The following AGBL1 variants were observed in gnomAD, a reference collection of about 807,000 sequenced individuals.
The protein encoded by AGBL1 is AGBL carboxypeptidase 1, also known as cytosolic carboxypeptidase 4.
In AGBL1, 130 loss-of-function variants were observed where a neutral mutation model predicts 118.9. The observed-to-expected ratio is 1.09, with a 90% CI of 0.95 to 1.26. AGBL1 has a LOEUF of 1.26. Among genes scored for constraint, AGBL1 ranks in the 50% most tolerant of loss-of-function variants. AGBL1 has a pLI of 0.00. For synonymous variants in AGBL1, 555 were observed against 478.9 expected, an observed-to-expected ratio of 1.16 and a Z score of -2.08; for missense variants, 1,584 against 1,298.1, an observed-to-expected ratio of 1.22 and a Z score of -3.38.
chr15:86,703,947 G>C (rs117123321), intron 22 of AGBL1, among the ~76,000 whole-genome samples: 1,846 of 152,082 alleles, frequency 0.012, 22 homozygotes, highest in East Asian at 0.069. Context: ...CAGATATATA[G>C]ACCAATGGAA....
intron 6 of AGBL1, 101 bp from the exon 7 acceptor site, chr15:86,247,570 G>A (rs188464245): frequency 1.7e-6 from 2 of 1,206,302 alleles, no homozygotes; most frequent in East Asian, 5.1e-5. Context: ...TTATTCCCTT[G>A]ATGATTAATA....
At chr15:86,922,177 A>G (rs189696298) in intron 23 of AGBL1, among the ~76,000 whole-genome samples, 113 of 152,378 alleles carry the variant, frequency 7.4e-4, no homozygotes, top group African/African-American at 2.6e-3. Context: ...GATTTCAAAA[A>G]TAGTATTTTG....
Position 86,974,361 on chromosome 15 carries a change from T to G in AGBL1, c.3222-13626T>G, listed in dbSNP as rs1264706330. Among the ~76,000 whole-genome samples, 9 of 113,554 alleles carry G rather than the reference T, an allele frequency of 7.9e-5. 1 individual carries two copies. The highest frequency in any genetic ancestry group is 1.3e-4 in the Non-Finnish European group (8 of 59,840). The allele number at this position is 113,554 out of a possible 152,430, so 74.5% of individuals were successfully genotyped here. On this transcript the variant is annotated intron_variant, in intron 23 of 24. Transcript: ENST00000441037. ...TTTAATATATTAAATATAAACATTTTAATATATTAAATATAAACATTTTAA... is the reference window on the plus strand; with the variant it reads ...TTTAATATATTAAATATAAACATTTGAATATATTAAATATAAACATTTTAA...
intron 22 of AGBL1, among the ~76,000 whole-genome samples, chr15:86,749,184 G>A (rs554089391): frequency 8.6e-5 from 13 of 151,930 alleles, no homozygotes; most frequent in South Asian, 4.2e-4. Context: ...CTTTTATTTC[G>A]TTGAGCAGTG....
chr15:86,518,446 C>T (rs1287345876), intron 18 of AGBL1, among the ~76,000 whole-genome samples: 1 of 151,868 alleles, frequency 6.6e-6, no homozygotes, highest in African/African-American at 2.4e-5. Flanking sequence ...ATTCAGTGAC[C>T]CTTTAGTTAG....
rs141640297 is a variant in AGBL1 at position 86,669,406 on chromosome 15, G to T, written c.2995-4867G>T. Among the ~76,000 whole-genome samples, 259 of 152,190 alleles carry T rather than the reference G, an allele frequency of 1.7e-3. 4 individuals carry two copies. The East Asian group carries it at 0.021, about 12-fold the overall frequency. ...AAGAAATAGAAAATAAGAAAGTAAGGTTAAGAGATGTGGAGGACAAAGGGA... is the reference window on the plus strand; with the variant it reads ...AAGAAATAGAAAATAAGAAAGTAAGTTTAAGAGATGTGGAGGACAAAGGGA... On this transcript the variant is annotated intron_variant, in intron 21 of 22. Transcript: ENST00000614907.
chr15:86,165,273 G>C (rs112694081), intron 5 of AGBL1, among the ~76,000 whole-genome samples: 2 of 152,062 alleles, frequency 1.3e-5, no homozygotes, highest in African/African-American at 2.4e-5. Context: ...TTAGAATTCT[G>C]CCTGAGTGCA....
At position 86,616,493 on chromosome 15, in the gene AGBL1, G is replaced by T. The variant is rs143345629; in HGVS notation, c.2995-57780G>T. Among the ~76,000 whole-genome samples the T allele has an allele frequency of 1.0e-3, 157 of 152,248 alleles. 1 individual carries two copies. Among genetic ancestry groups the T allele is most frequent in the African/African-American group, 2.6e-3 (110 of 41,548 alleles). On this transcript the variant is annotated intron_variant, in intron 21 of 22. Transcript: ENST00000614907. ...AAAATGGGAAAGGAGAAAAGAATGAGCAAGTAGAGGACACTGTCTTCAAAA... is the reference window on the plus strand; with the variant it reads ...AAAATGGGAAAGGAGAAAAGAATGATCAAGTAGAGGACACTGTCTTCAAAA...
intron 22 of AGBL1, among the ~76,000 whole-genome samples, chr15:86,718,134 C>T (rs978414675): frequency 6.6e-6 from 1 of 152,092 alleles, no homozygotes; most frequent in African/African-American, 2.4e-5. Context: ...TTAATATTGG[C>T]TGTGTATGAA....
At chr15:86,526,573 T>TAC (rs1202978973) in intron 19 of AGBL1, among the ~76,000 whole-genome samples, 1,804 of 117,524 alleles carry the variant, frequency 0.015, 33 homozygotes, top group African/African-American at 0.04. Context: ...TATATATATA[T>TAC]ACACACAGAG....
intron 21 of AGBL1, among the ~76,000 whole-genome samples, chr15:86,651,130 A>G (rs1208819104): frequency 6.6e-6 from 1 of 152,126 alleles, no homozygotes. Context: ...ATCAGCATAA[A>G]ATCTTGATAA....
intron 3 of AGBL1, among the ~76,000 whole-genome samples, chr15:86,145,148 T>A (rs2077016167): frequency 6.6e-6 from 1 of 152,246 alleles, no homozygotes; most frequent in African/African-American, 2.4e-5. Context: ...GGGCCCACTC[T>A]AATTTGTAAT....
At chr15:86,608,833 A>G (rs2084619785) in intron 21 of AGBL1, among the ~76,000 whole-genome samples, 1 of 152,182 alleles carries the variant, frequency 6.6e-6, no homozygotes, top group Non-Finnish European at 1.5e-5. Context: ...AATGTTGGCA[A>G]TGAGTTTGGA....
chr15:86,928,700 T>C (rs2080573534), intron 23 of AGBL1, among the ~76,000 whole-genome samples: 1 of 152,220 alleles, frequency 6.6e-6, no homozygotes, highest in African/African-American at 2.4e-5. Flanking sequence ...TGTGCCCCTC[T>C]GCCTCTTCTA....
intron 22 of AGBL1, among the ~76,000 whole-genome samples, chr15:86,716,543 C>T (rs753040521): frequency 2.0e-5 from 3 of 152,086 alleles, no homozygotes; most frequent in Non-Finnish European, 4.4e-5. Context: ...TTAAAGATAA[C>T]CAACTGACCA....
chr15:86,667,084 A>C (rs1273748395), intron 21 of AGBL1, among the ~76,000 whole-genome samples: 1 of 152,174 alleles, frequency 6.6e-6, no homozygotes, highest in Non-Finnish European at 1.5e-5. Context: ...TAACATCTAT[A>C]CTAGCAGATT....
intron 22 of AGBL1, among the ~76,000 whole-genome samples, chr15:86,895,482 C>A (rs1050818797): frequency 2.7e-5 from 4 of 150,804 alleles, no homozygotes; most frequent in South Asian, 2.1e-4. Flanking sequence ...TATAGTAGTT[C>A]TTTTTAGCAG....
chr15:86,626,679 G>T (rs1251369035), intron 21 of AGBL1, among the ~76,000 whole-genome samples: 1 of 152,014 alleles, frequency 6.6e-6, no homozygotes, highest in Non-Finnish European at 1.5e-5. Context: ...AAAAGAAAGG[G>T]TTACATTTGG....
intron 22 of AGBL1, among the ~76,000 whole-genome samples, chr15:86,687,047 C>T (rs1014558309): frequency 9.9e-5 from 15 of 152,014 alleles, no homozygotes; most frequent in Admixed American, 2.6e-4. Context: ...ATCCTTGCAC[C>T]GGTCAGGGTT....
Sources: gnomAD v4.1 joint callset for allele counts (sites outside exome capture counted in the v4.1 genomes callset) on GRCh38, gnomAD v4.1.1 for gene constraint, MANE v1.5 for transcripts, NCBI Gene and HGNC (gene_info 2026-07-23, HGNC 2026-07-21) for gene names.